The following METTL6 variants were observed in gnomAD, a reference collection of about 807,000 sequenced individuals.
METTL6 encodes methyltransferase 6, tRNA N3-cytidine, also known as tRNA N(3)-cytidine methyltransferase METTL6.
A neutral mutation model predicts 26.4 loss-of-function variants in METTL6; 22 were observed. The ratio of observed to expected loss-of-function variants is 0.83; its 90% CI spans 0.59 to 1.19. The LOEUF is 1.19. METTL6 is among the 50% of genes most tolerant of loss of function. The pLI is 0.00. For synonymous variants in METTL6, 109 were observed against 116.2 expected, an observed-to-expected ratio of 0.94 and a Z score of 0.40; for missense variants, 304 against 324.8, an observed-to-expected ratio of 0.94 and a Z score of 0.49.
chr3:15,385,625 C>A (rs1416371524), intron 6 of METTL6, among the ~76,000 whole-genome samples: 2 of 152,034 alleles, frequency 1.3e-5, no homozygotes, highest in African/African-American at 4.8e-5. Flanking sequence ...AACAAAAAAA[C>A]CCCACTTGTT....
At chr3:15,406,469 G>A (rs910202804), downstream of METTL6, among the ~76,000 whole-genome samples, 2 of 151,146 alleles carry the variant, frequency 1.3e-5, no homozygotes, top group African/African-American at 4.9e-5. Context: ...CTGATGGACT[G>A]GGTCACCTCA....
downstream of METTL6, among the ~76,000 whole-genome samples, chr3:15,405,154 A>G (rs949170286): frequency 3.3e-5 from 5 of 152,172 alleles, no homozygotes; most frequent in African/African-American, 1.2e-4. Context: ...ACAAAGGGGT[A>G]TTTACTCACA....
chr3:15,401,940 C>CT (rs886378356), intron 6 of METTL6, among the ~76,000 whole-genome samples: 2 of 152,204 alleles, frequency 1.3e-5, no homozygotes, highest in Non-Finnish European at 2.9e-5. Flanking sequence ...GCCAGCCATT[C>CT]TTTTGTTTCT....
intron 3 of METTL6, among the ~76,000 whole-genome samples, chr3:15,422,682 A>C (rs1053965372): frequency 6.6e-6 from 1 of 152,180 alleles, no homozygotes; most frequent in African/African-American, 2.4e-5. Context: ...TAAAAAGTCT[A>C]ACGAATGCTA....
At chr3:15,406,017 A>G (rs1159457330), downstream of METTL6, among the ~76,000 whole-genome samples, 10 of 152,156 alleles carry the variant, frequency 6.6e-5, no homozygotes, top group Middle Eastern at 3.4e-3. Flanking sequence ...ATGTGTATAT[A>G]TATATACACA....
Position 15,411,278 on chromosome 3 carries a change from AGGACCACAGGAGATG to A in METTL6, c.818_832del (p.Pro273_Val277del). 1 of 1,614,052 alleles carries A rather than the reference AGGACCACAGGAGATG, an allele frequency of 6.2e-7. No homozygotes were observed. The highest frequency in any genetic ancestry group is 1.7e-5 in the Admixed American group (1 of 59,972). ...AGGTCAGGACTTAGGATCCAGGCCC[AGGACCACAGGAGATG>A]GGTTCTTAGGAGGCTTTAGAAATTT... On this transcript the variant is annotated inframe_deletion, in exon 6 of 6. Transcript: ENST00000383790.
chr3:15,394,886 CTT>C (rs1699445822), intron 6 of METTL6, among the ~76,000 whole-genome samples: 5 of 152,286 alleles, frequency 3.3e-5, no homozygotes, highest in Admixed American at 3.3e-4. Flanking sequence ...AATTTCTATT[CTT>C]CTACATTTGC....
At position 15,415,750 on chromosome 3, in the gene METTL6, G is replaced by A. The variant is rs779056188; in HGVS notation, c.531+22C>T. On this transcript the variant is annotated intron_variant, in intron 4 of 5. Transcript: ENST00000383790. ...AGAATCCAGACTGTCCAACCCTCAAGTGCAGGCCCCAAATCACTAACCTTG... is the reference window on the plus strand; with the variant it reads ...AGAATCCAGACTGTCCAACCCTCAAATGCAGGCCCCAAATCACTAACCTTG... 1.9e-6 allele frequency: 3 copies of A among 1,610,676 alleles called. No homozygotes were observed. In the South Asian group the frequency reaches 3.3e-5, roughly 18 times the overall value.
intron 6 of METTL6, among the ~76,000 whole-genome samples, chr3:15,388,539 T>C (rs187637603): frequency 6.6e-6 from 1 of 152,210 alleles, no homozygotes; most frequent in Admixed American, 6.5e-5. Flanking sequence ...AGTCAGTTCC[T>C]GGGTGGGAGC....
downstream of METTL6, among the ~76,000 whole-genome samples, chr3:15,407,192 G>A (rs954514839): frequency 6.6e-6 from 1 of 151,986 alleles, no homozygotes; most frequent in Non-Finnish European, 1.5e-5. Context: ...GCTAATTTTT[G>A]TATTTTTAGC....
chr3:15,415,691 C>T, intron 4 of METTL6, 81 bp downstream of exon 4: 2 of 1,597,640 alleles, frequency 1.3e-6, no homozygotes, highest in Non-Finnish European at 1.7e-6. Flanking sequence ...TGAATCTAGA[C>T]AGTACATGAG....
intron 3 of METTL6, among the ~76,000 whole-genome samples, chr3:15,424,494 T>C (rs1332053206): frequency 6.6e-6 from 1 of 152,236 alleles, no homozygotes; most frequent in East Asian, 1.9e-4. Context: ...CTTGAACTAC[T>C]GGGTGCAAGC....
intron 6 of METTL6, among the ~76,000 whole-genome samples, chr3:15,396,562 C>T (rs916551277): frequency 2.6e-4 from 39 of 152,272 alleles, no homozygotes; most frequent in Middle Eastern, 3.4e-3. Context: ...GGAGGAGAGG[C>T]GCTCTGATTT....
chr3:15,404,229 C>T (rs1022019540), intron 6 of METTL6, among the ~76,000 whole-genome samples: 6 of 152,154 alleles, frequency 3.9e-5, no homozygotes, highest in African/African-American at 1.4e-4. Context: ...CCCTGCACTC[C>T]AGCCATAGTG....
At chr3:15,401,167 G>A (rs927632843) in intron 6 of METTL6, among the ~76,000 whole-genome samples, 1 of 152,030 alleles carries the variant, frequency 6.6e-6, no homozygotes, top group Non-Finnish European at 1.5e-5. Context: ...AGCCTCCTGA[G>A]TAGCTGGGAC....
chr3:15,406,625 T>TAG (rs1699805126), downstream of METTL6, among the ~76,000 whole-genome samples: 6 of 36,358 alleles, frequency 1.7e-4, no homozygotes, highest in Admixed American at 3.8e-4. Flanking sequence ...TATATATATA[T>TAG]ATATAGAGAG....
In METTL6 at chr3:15,409,878, A is replaced by G. The variant is rs1334580942; in HGVS notation, c.*1378T>C. Among the ~76,000 whole-genome samples, 1 of 152,190 alleles carries G rather than the reference A, an allele frequency of 6.6e-6. No homozygotes were observed. Among genetic ancestry groups the G allele is most frequent in the African/African-American group, 2.4e-5 (1 of 41,430 alleles). On this transcript the variant is annotated 3_prime_UTR_variant, in exon 6 of 6. Transcript: ENST00000383790. ...AATATGACACTCGAAAAAGAAGAAA[A>G]CAGAACACTCCTTTAGGCTAGAAAT... is the stretch of plus-strand genomic sequence containing the variant.
chr3:15,388,264 C>T (rs1205932804), intron 6 of METTL6, among the ~76,000 whole-genome samples: 11 of 152,148 alleles, frequency 7.2e-5, no homozygotes. Flanking sequence ...GCACATGCCA[C>T]CATGCCCAGC....
At chr3:15,424,755 A>AT (rs1342845518) in intron 3 of METTL6, among the ~76,000 whole-genome samples, 200 bp downstream of exon 3, 2 of 152,150 alleles carry the variant, frequency 1.3e-5, no homozygotes, top group South Asian at 2.1e-4. Flanking sequence ...TTATTATGGT[A>AT]TTTTTTCCTG....
Sources: gnomAD v4.1 joint callset for allele counts (sites outside exome capture counted in the v4.1 genomes callset) on GRCh38, gnomAD v4.1.1 for gene constraint, MANE v1.5 for transcripts, NCBI Gene and HGNC (gene_info 2026-07-23, HGNC 2026-07-21) for gene names.